ALK: variants seen among roughly 807,000 people sequenced by gnomAD.
ALK encodes ALK tyrosine kinase receptor.
ALK carries 74 observed loss-of-function variants against 163.1 expected under a neutral mutation model. That is an observed-to-expected ratio of 0.45 (90% CI 0.38 to 0.55). The LOEUF is 0.55. ALK is among the 20% of genes least tolerant of loss of function. ALK has a pLI of 0.00. For synonymous variants in ALK, 960 were observed against 843.2 expected (o/e 1.14, Z -2.40); for missense variants, 2,063 against 2,105.3 (o/e 0.98, Z 0.39).
intron 5 of ALK, among the ~76,000 whole-genome samples, chr2:29,373,659 A>G (rs1462753722): frequency 1.3e-5 from 2 of 152,236 alleles, no homozygotes; most frequent in Non-Finnish European, 2.9e-5. Context: ...AATTATGGAT[A>G]AGCCATTCCA....
At chr2:29,668,700 T>G (rs377753676) in intron 3 of ALK, among the ~76,000 whole-genome samples, 20 of 152,278 alleles carry the variant, frequency 1.3e-4, no homozygotes, top group African/African-American at 4.8e-4. Flanking sequence ...CACGTGTTGA[T>G]TAGTTTATTC....
At chr2:29,225,404 A>T (rs1663937482) in intron 19 of ALK, 57 bp downstream of exon 19, 1 of 1,432,574 alleles carries the variant, frequency 7.0e-7, no homozygotes, top group Non-Finnish European at 9.7e-7. Context: ...AGCCTGAGAC[A>T]CTATTCAGTC....
At chr2:29,245,546 A>G (rs926163627) in intron 12 of ALK, among the ~76,000 whole-genome samples, 4 of 140,022 alleles carry the variant, frequency 2.9e-5, no homozygotes, top group African/African-American at 1.1e-4. Context: ...AGTGCCCTGC[A>G]CAAAGTAGGG....
chr2:29,481,542 A>T (rs969717130), intron 4 of ALK, among the ~76,000 whole-genome samples: 3 of 152,220 alleles, frequency 2.0e-5, no homozygotes, highest in Non-Finnish European at 1.5e-5. Flanking sequence ...GTCAGACTCT[A>T]CATCTCTGTC....
chr2:29,682,510 G>A (rs893524798), intron 3 of ALK, among the ~76,000 whole-genome samples: 4 of 152,104 alleles, frequency 2.6e-5, no homozygotes, highest in Admixed American at 6.5e-5. Context: ...CACTGCCTGG[G>A]TACATACCAC....
chr2:29,830,460 G>T, intron 1 of ALK, among the ~76,000 whole-genome samples: 1 of 152,036 alleles, frequency 6.6e-6, no homozygotes, highest in Non-Finnish European at 1.5e-5. Context: ...AGAGACTTCA[G>T]GTAAGAGGAG....
intron 5 of ALK, among the ~76,000 whole-genome samples, chr2:29,340,778 C>G (rs1046108391): frequency 6.6e-6 from 1 of 152,190 alleles, no homozygotes; most frequent in Non-Finnish European, 1.5e-5. Context: ...GCTTCCACAC[C>G]TCCATCTTTA....
chr2:29,740,066 A>G (rs1680010437), intron 1 of ALK, among the ~76,000 whole-genome samples: 1 of 152,140 alleles, frequency 6.6e-6, no homozygotes, highest in African/African-American at 2.4e-5. Flanking sequence ...TACACCATAC[A>G]TACTCATTCC....
intron 3 of ALK, among the ~76,000 whole-genome samples, chr2:29,586,231 G>C (rs1350750120): frequency 7.0e-6 from 1 of 143,512 alleles, no homozygotes. Context: ...TTTTTGGGGG[G>C]GATATTAACA....
At chr2:29,695,330 G>A (rs1330987896) in intron 2 of ALK, among the ~76,000 whole-genome samples, 1 of 152,194 alleles carries the variant, frequency 6.6e-6, no homozygotes, top group Non-Finnish European at 1.5e-5. Context: ...GAGGGCCTGA[G>A]GGTGAGTGGG....
chr2:29,545,811 G>C (rs1348744364), intron 3 of ALK, among the ~76,000 whole-genome samples: 2 of 152,198 alleles, frequency 1.3e-5, no homozygotes, highest in Non-Finnish European at 2.9e-5. Context: ...CATTAAGAGA[G>C]AGAAGGGGAG....
intron 3 of ALK, among the ~76,000 whole-genome samples, chr2:29,558,195 T>C (rs1237982762): frequency 1.3e-5 from 2 of 152,242 alleles, no homozygotes; most frequent in South Asian, 2.1e-4. Flanking sequence ...TGTTTGTTTA[T>C]GGCATGTGCT....
At chr2:29,412,135 G>T (rs1022443666) in intron 4 of ALK, among the ~76,000 whole-genome samples, 2 of 152,178 alleles carry the variant, frequency 1.3e-5, no homozygotes, top group African/African-American at 2.4e-5. Context: ...GGACCAAAAA[G>T]GTGCTATTTG....
At chr2:29,405,865 A>T (rs1358101803) in intron 4 of ALK, among the ~76,000 whole-genome samples, 1 of 152,200 alleles carries the variant, frequency 6.6e-6, no homozygotes, top group African/African-American at 2.4e-5. Flanking sequence ...GCCCTTTAAG[A>T]TTAGCTCACA....
chr2:29,560,266 C>T (rs1230195844), intron 3 of ALK, among the ~76,000 whole-genome samples: 1 of 152,158 alleles, frequency 6.6e-6, no homozygotes, highest in African/African-American at 2.4e-5. Flanking sequence ...TATTATTCAA[C>T]AATCTAAAGG....
At chr2:29,639,029 G>A (rs780813413) in intron 3 of ALK, among the ~76,000 whole-genome samples, 4 of 152,162 alleles carry the variant, frequency 2.6e-5, no homozygotes, top group Non-Finnish European at 4.4e-5. Context: ...TACTGGGCAC[G>A]TAAGGAGAAT....
chr2:29,737,852 G>C (rs947457397), intron 1 of ALK, among the ~76,000 whole-genome samples: 1 of 152,180 alleles, frequency 6.6e-6, no homozygotes, highest in South Asian at 2.1e-4. Flanking sequence ...TGCCTGCATG[G>C]AGGGTGGAAA....
At chr2:29,239,451 G>C (rs972490463) in intron 13 of ALK, among the ~76,000 whole-genome samples, 3 of 152,140 alleles carry the variant, frequency 2.0e-5, no homozygotes, top group Non-Finnish European at 1.5e-5. Flanking sequence ...AGGGTGCTGA[G>C]TTCCTGCTAG....
intron 4 of ALK, among the ~76,000 whole-genome samples, chr2:29,422,333 A>G (rs1670034570): frequency 1.3e-5 from 2 of 150,914 alleles, no homozygotes; most frequent in South Asian, 4.1e-4. Context: ...TTGGCCAGGG[A>G]AAGAGGCTTG....
Sources: allele counts gnomAD v4.1 joint callset (sites outside exome capture counted in the v4.1 genomes callset), GRCh38; gene constraint gnomAD v4.1.1; transcripts MANE v1.5; gene names NCBI Gene and HGNC (gene_info 2026-07-23, HGNC 2026-07-21).